ASIC2: variants seen among roughly 807,000 people sequenced by gnomAD.
ASIC2 encodes acid sensing ion channel subunit 2.
In ASIC2, 25 loss-of-function variants were observed where a neutral mutation model predicts 57.3. The ratio of observed to expected loss-of-function variants is 0.44; its 90% confidence interval spans 0.32 to 0.61. The LOEUF is 0.61. ASIC2 is among the 20% of genes least tolerant of loss of function. The probability of loss-of-function intolerance (pLI) is 0.06; values close to 1 mark genes in which losing one functional copy is unlikely to be tolerated. For synonymous variants in ASIC2, 319 were observed against 307.5 expected (o/e 1.04, Z -0.39); for missense variants, 641 against 738.1 (o/e 0.87, Z 1.52).
rs74847627 is a variant in ASIC2 at position 33,455,341 on chromosome 17, T to A, written c.556-343274A>T. ...GTTAGTTTTTCAACCCTTGCACTCCTCCCTTTCTCTCCCTCCAGTAGTCCC... is the reference window on the plus strand; with the variant it reads ...GTTAGTTTTTCAACCCTTGCACTCCACCCTTTCTCTCCCTCCAGTAGTCCC... On this transcript the variant is annotated intron_variant, in intron 1 of 9. Coordinates refer to the ASIC2 transcript ENST00000359872. 1.4e-4 allele frequency among the ~76,000 whole-genome samples: 21 copies of A among 152,310 alleles called. No individual in the cohort carries two copies. In the East Asian group the frequency reaches 2.9e-3, roughly 21 times the overall value.
chr17:33,591,507 C>G (rs1275229818), intron 1 of ASIC2, among the ~76,000 whole-genome samples: 1 of 152,174 alleles, frequency 6.6e-6, no homozygotes, highest in African/African-American at 2.4e-5. Flanking sequence ...TCTGAGTTGG[C>G]ACTTAGAGTA....
intron 1 of ASIC2, among the ~76,000 whole-genome samples, chr17:33,573,912 C>A (rs1245871265): frequency 1.3e-5 from 2 of 152,170 alleles, no homozygotes; most frequent in Non-Finnish European, 2.9e-5. Flanking sequence ...TCTTCAGAAT[C>A]CACTGTAACT....
At chr17:33,550,958 C>T (rs888767069) in intron 1 of ASIC2, among the ~76,000 whole-genome samples, 1 of 152,096 alleles carries the variant, frequency 6.6e-6, no homozygotes, top group Non-Finnish European at 1.5e-5. Context: ...TATGTTGAAG[C>T]TCTGGGTGGG....
At chr17:33,896,709 A>C (rs6505386) in intron 1 of ASIC2, among the ~76,000 whole-genome samples, 1 of 152,102 alleles carries the variant, frequency 6.6e-6, no homozygotes, top group African/African-American at 2.4e-5. Flanking sequence ...TGGGCATCTC[A>C]CTAATCTGAA....
At chr17:33,899,215 T>C (rs1915178675) in intron 1 of ASIC2, among the ~76,000 whole-genome samples, 3 of 151,656 alleles carry the variant, frequency 2.0e-5, no homozygotes, top group Admixed American at 1.3e-4. Flanking sequence ...TAAGGAAGTA[T>C]TTCACCTCTC....
At chr17:34,003,412 C>T (rs1424532621) in intron 1 of ASIC2, 2 of 152,128 alleles carry the variant, frequency 1.3e-5, no homozygotes, top group Admixed American at 1.3e-4. Flanking sequence ...CATCCCCCTT[C>T]ACCTCCCCAA....
intron 1 of ASIC2, among the ~76,000 whole-genome samples, chr17:33,898,961 C>G (rs1915170202): frequency 1.3e-5 from 2 of 152,112 alleles, no homozygotes; most frequent in South Asian, 4.2e-4. Flanking sequence ...TTACCCCTTC[C>G]TCCAATGGCT....
chr17:33,199,708 A>C (rs1175384100), intron 1 of ASIC2, among the ~76,000 whole-genome samples: 1 of 152,216 alleles, frequency 6.6e-6, no homozygotes, highest in Non-Finnish European at 1.5e-5. Flanking sequence ...ACAAAGTAAC[A>C]GGCTCAGAAA....
intron 1 of ASIC2, among the ~76,000 whole-genome samples, chr17:33,529,215 T>C (rs1032698643): frequency 2.0e-5 from 3 of 152,186 alleles, no homozygotes; most frequent in African/African-American, 7.2e-5. Flanking sequence ...TTTTCAACCC[T>C]GACTGCCCTG....
At chr17:33,097,423 GAAC>G (rs2092186773) in intron 2 of ASIC2, among the ~76,000 whole-genome samples, 1 of 152,196 alleles carries the variant, frequency 6.6e-6, no homozygotes, top group East Asian at 1.9e-4. Flanking sequence ...AGAAAGTAAA[GAAC>G]AGACCCGGGG....
chr17:33,567,733 G>A (rs1170160731), intron 1 of ASIC2, among the ~76,000 whole-genome samples: 1 of 152,130 alleles, frequency 6.6e-6, no homozygotes, highest in East Asian at 1.9e-4. Flanking sequence ...TTACTGAGAT[G>A]GGAACAAGTG....
At chr17:33,497,701 C>G (rs535763246) in intron 1 of ASIC2, among the ~76,000 whole-genome samples, 11 of 152,264 alleles carry the variant, frequency 7.2e-5, no homozygotes, top group Middle Eastern at 3.4e-3. Flanking sequence ...TTCACAAACC[C>G]AATCCACACA....
intron 1 of ASIC2, among the ~76,000 whole-genome samples, chr17:33,503,173 A>G (rs1914150868): frequency 2.6e-5 from 4 of 152,248 alleles, no homozygotes; most frequent in Admixed American, 1.3e-4. Flanking sequence ...TGTGCTGTGC[A>G]CATGGAACGG....
chr17:33,277,595 A>T (rs532629628), intron 1 of ASIC2, among the ~76,000 whole-genome samples: 1 of 152,306 alleles, frequency 6.6e-6, no homozygotes, highest in South Asian at 2.1e-4. Flanking sequence ...TGAATGAGGA[A>T]ACTCTATCTG....
At chr17:33,809,941 T>C (rs12449397) in intron 1 of ASIC2, among the ~76,000 whole-genome samples, 20,110 of 152,210 alleles carry the variant, frequency 0.13, 1,422 homozygotes, top group East Asian at 0.19. Flanking sequence ...CTGAGCTATC[T>C]CCACCTGCTT....
At chr17:33,114,540 G>A (rs976853622) in intron 1 of ASIC2, among the ~76,000 whole-genome samples, 22 of 152,198 alleles carry the variant, frequency 1.4e-4, no homozygotes, top group African/African-American at 5.1e-4. Context: ...TCAGATTATT[G>A]CAAATTCCAA....
At chr17:34,054,665 C>A (rs1248886916) in intron 1 of ASIC2, among the ~76,000 whole-genome samples, 1 of 152,198 alleles carries the variant, frequency 6.6e-6, no homozygotes, top group Non-Finnish European at 1.5e-5. Context: ...GTCTCATGAT[C>A]TTTAAATTTA....
intron 1 of ASIC2, among the ~76,000 whole-genome samples, chr17:33,496,518 A>G (rs182852729): frequency 6.6e-6 from 1 of 151,480 alleles, no homozygotes; most frequent in Non-Finnish European, 1.5e-5. Flanking sequence ...TCACCTGACA[A>G]TTCAAATGCC....
chr17:33,196,574 C>T (rs975873524), intron 1 of ASIC2, among the ~76,000 whole-genome samples: 6 of 152,192 alleles, frequency 3.9e-5, no homozygotes, highest in African/African-American at 1.4e-4. Flanking sequence ...AGGCATGAAG[C>T]TCCAAGTGCA....
Sources: gnomAD v4.1 joint callset for allele counts (sites outside exome capture counted in the v4.1 genomes callset) on GRCh38, gnomAD v4.1.1 for gene constraint, MANE v1.5 for transcripts, NCBI Gene and HGNC (gene_info 2026-07-23, HGNC 2026-07-21) for gene names.